Variants in CELSR2 observed in about 807,000 individuals in gnomAD.
The protein encoded by CELSR2 is cadherin EGF LAG seven-pass G-type receptor 2.
In CELSR2, 81 loss-of-function variants were observed where a neutral mutation model predicts 251.6. The ratio of observed to expected loss-of-function variants is 0.32; its 90% CI spans 0.27 to 0.39. The LOEUF (loss-of-function observed/expected upper bound fraction) is 0.39, where lower values mean the gene tolerates loss of function less well. CELSR2 is among the 10% of genes least tolerant of loss of function. CELSR2 has a pLI of 1.00. For synonymous variants in CELSR2, 1,721 were observed against 1,670.5 expected (o/e 1.03, Z -0.74); for missense variants, 3,365 against 3,947.7 (o/e 0.85, Z 3.96).
At chr1:109,260,947 G>A (rs180915258) in intron 2 of CELSR2, 95 bp from the exon 3 acceptor site, 112 of 904,242 alleles carry the variant, frequency 1.2e-4, no homozygotes, top group African/African-American at 4.8e-4. Flanking sequence ...CGAGGGTCAC[G>A]GGAGGCCATG....
chr1:109,261,037 T>A lies in CELSR2; in HGVS notation c.3959-5T>A, dbSNP rs1418306071. 6.2e-7 allele frequency: 1 copy of A among 1,603,374 alleles called. No individual in the cohort carries two copies. The highest frequency in any genetic ancestry group is 1.3e-5 in the African/African-American group (1 of 74,770). ...TGGTACTCACCTGCCTTTCCTCTTG[T>A]CCAGGTGAGCACTGTGAGGTGAGTG... On this transcript the variant is annotated splice_region_variant and splice_polypyrimidine_tract_variant and intron_variant, in intron 2 of 33. Coordinates refer to ENST00000271332, the MANE Select transcript of CELSR2 (RefSeq NM_001408.3). This position sits in a 1 kb window ranked among gnomAD's most constrained non-coding sequence, Gnocchi z 4.8.
Position 109,258,807 on chromosome 1 carries a change from A to G in CELSR2, c.3686A>G (p.Asp1229Gly). The G allele has an allele frequency of 2.5e-6, 4 of 1,611,532 alleles. No individual in the cohort carries two copies. Among genetic ancestry groups the G allele is most frequent in the Non-Finnish European group, 3.4e-6 (4 of 1,178,980 alleles). Reference protein sequence around the residue: ...ISAQRVLPFDDNICLREPCEN... With the variant: ...ISAQRVLPFDGNICLREPCEN... The stretch of plus-strand genomic sequence containing the variant: ...GCACAGCGCGTGCTGCCCTTCGACG[A>G]CAACATCTGCCTGCGGGAGCCCTGC... Residue 1229 changes from aspartate (D) to glycine (G), a missense_variant, in exon 2 of 34, where the codon GAC becomes GGC. Physicochemically the swap from Asp to Gly is moderately conservative, Grantham distance 94. Around this residue, in one of 5 missense-constraint regions of CELSR2, gnomAD observed 2,093 missense variants for 2,382.8 expected, o/e 0.88. Transcript: ENST00000271332.
chr1:109,272,791 G>A (rs1656408702), intron 30 of CELSR2, 42 bp from the exon 31 acceptor site: 3 of 1,612,514 alleles, frequency 1.9e-6, no homozygotes, highest in Admixed American at 1.7e-5. Context: ...GAAGGTGGGT[G>A]GAGGTGGCTG....
Position 109,251,979 on chromosome 1 carries a change from G to C in CELSR2, c.1900G>C (p.Ala634Pro). ...AVGTSVVTVS[A>P]VDRDAHSVIT... ...GGGCACCAGCGTGGTGACGGTGTCA[G>C]CTGTGGACCGTGATGCTCATAGTGT... Residue 634 changes from alanine (A) to proline (P), a missense_variant, in exon 1 of 34, where the codon GCT becomes CCT. Ala to Pro is a conservative substitution (Grantham distance 27). Coordinates refer to ENST00000271332, the MANE Select transcript of CELSR2 (RefSeq NM_001408.3). This position sits in a 1 kb window ranked among gnomAD's most constrained non-coding sequence, Gnocchi z 4.9. 6.2e-7 allele frequency: 1 copy of C among 1,614,120 alleles called. No individual in the cohort carries two copies.
intron 18 of CELSR2, 45 bp downstream of exon 18, chr1:109,268,809 C>A (rs749087656): frequency 1.5e-5 from 24 of 1,582,470 alleles, no homozygotes; most frequent in Non-Finnish European, 2.0e-5. Context: ...GGAGGGAGTC[C>A]CCGACAAGAG....
At chr1:109,254,809 G>T (rs185241669) in intron 1 of CELSR2, among the ~76,000 whole-genome samples, 25 of 152,312 alleles carry the variant, frequency 1.6e-4, no homozygotes, top group Admixed American at 1.6e-3. Context: ...CAGGGACTGT[G>T]GCTGAGGTTC....
intron 6 of CELSR2, 120 bp from the exon 7 acceptor site, chr1:109,262,686 T>C (rs1656051988): frequency 6.7e-7 from 1 of 1,503,256 alleles, no homozygotes; most frequent in Admixed American, 1.9e-5. Context: ...TGAGCACTGC[T>C]CTGCAGGGCC....
At chr1:109,273,882 G>A (rs932519170) in intron 33 of CELSR2, 140 bp from the exon 34 acceptor site, 38 of 1,281,368 alleles carry the variant, frequency 3.0e-5, no homozygotes, top group Non-Finnish European at 3.7e-5. Context: ...GCGCAGCCCA[G>A]CCTAGGGCAG....
intron 1 of CELSR2, among the ~76,000 whole-genome samples, 168 bp from the exon 2 acceptor site, chr1:109,258,264 C>T (rs898760200): frequency 3.3e-5 from 5 of 152,086 alleles, no homozygotes; most frequent in African/African-American, 1.2e-4. Context: ...AAGAGAACTG[C>T]AAATCTCATC....
chr1:109,253,298 C>A lies in CELSR2; in HGVS notation c.3219C>A (p.Val1073=), dbSNP rs746893169. Residue 1073 remains valine, a synonymous_variant, in exon 1 of 34, where the codon GTC becomes GTA. Coordinates refer to ENST00000271332, the MANE Select transcript of CELSR2 (RefSeq NM_001408.3). ...AGCGGGGAAATGAACTCAGCCTGGT[C>A]CTGCTCAATGCCTCCACGGGTGAGC... ...SFERGNELSL[V]LLNASTGELK... The A allele has an allele frequency of 1.2e-6, 2 of 1,613,456 alleles. No individual in the cohort carries two copies. Among genetic ancestry groups the A allele is most frequent in the South Asian group, 2.2e-5 (2 of 91,078 alleles).
intron 16 of CELSR2, 91 bp downstream of exon 16, chr1:109,267,733 G>T: frequency 6.4e-7 from 1 of 1,558,830 alleles, no homozygotes. Flanking sequence ...GGGGCTTCTG[G>T]AATTCCAGCC....
chr1:109,267,308 G>A (rs1656227149), intron 15 of CELSR2, among the ~76,000 whole-genome samples: 1 of 152,186 alleles, frequency 6.6e-6, no homozygotes, highest in African/African-American at 2.4e-5. Flanking sequence ...GAGACAGGCA[G>A]GATGGGGGCT....
At chr1:109,265,676 C>T (rs975562620) in intron 13 of CELSR2, 59 bp from the exon 14 acceptor site, 2 of 1,570,564 alleles carry the variant, frequency 1.3e-6, no homozygotes, top group Admixed American at 1.7e-5. Context: ...TGAGAAGGAC[C>T]CATGAGCATC....
Position 109,252,350 on chromosome 1 carries a change from G to A in CELSR2, c.2271G>A (p.Gln757=). ...ITYFMEDSIP[Q]FRIDADTGAV... ...ACTTCATGGAGGACAGCATCCCCCA[G>A]TTCCGCATCGATGCAGACACGGGGG... Residue 757 remains glutamine, a synonymous_variant, in exon 1 of 34, where the codon CAG becomes CAA. Coordinates refer to ENST00000271332, the MANE Select transcript of CELSR2 (RefSeq NM_001408.3). The surrounding 1 kb of genome is among the most constrained non-coding windows in gnomAD (Gnocchi z 4.8). 6.2e-7 allele frequency: 1 copy of A among 1,613,060 alleles called. No homozygotes were observed. The highest frequency in any genetic ancestry group is 1.1e-5 in the South Asian group (1 of 91,090).
At position 109,264,156 on chromosome 1, in the gene CELSR2, G is replaced by T; in HGVS notation, c.5080G>T (p.Ala1694Ser). ...CTCTCTCCGTCTGGAGCCAGGCCGGGCCAATGACGGTGACTGGCACCATGC... is the reference window on the plus strand; with the variant it reads ...CTCTCTCCGTCTGGAGCCAGGCCGGTCCAATGACGGTGACTGGCACCATGC... ...ASSLRLEPGR[A>S]NDGDWHHAQL... is the part of the protein sequence containing the mutation. The change falls in exon 10 of 34, where the codon GCC becomes TCC. Residue 1694 changes from alanine (A) to serine (S), a missense_variant. By Grantham distance (99) the Ala-to-Ser change is moderately conservative (BLOSUM62 1). Around this residue, in one of 5 missense-constraint regions of CELSR2, gnomAD observed 2,093 missense variants for 2,382.8 expected, o/e 0.88. Transcript: ENST00000271332. The T allele has an allele frequency of 6.2e-7, 1 of 1,610,352 alleles. No homozygotes were observed.
rs199799553 is a variant in CELSR2 at position 109,270,412 on chromosome 1, G to C, written c.7309-14G>C. 3 of 1,613,756 alleles carry C rather than the reference G, an allele frequency of 1.9e-6. No individual in the cohort carries two copies. Among genetic ancestry groups the C allele is most frequent in the Non-Finnish European group, 2.5e-6 (3 of 1,179,968 alleles). ...GGGCCCCGGTCGCTGACCTGCCCTG[G>C]CCTGGGCCCTCAGTTTGCCTGCACA... On this transcript the variant is annotated splice_polypyrimidine_tract_variant and intron_variant, in intron 23 of 33. Coordinates refer to ENST00000271332, the MANE Select transcript of CELSR2 (RefSeq NM_001408.3).
chr1:109,262,247 G>C, intron 5 of CELSR2, 40 bp from the exon 6 acceptor site: 1 of 1,606,178 alleles, frequency 6.2e-7, no homozygotes, highest in Middle Eastern at 1.7e-4. Context: ...AGTGGGCTCT[G>C]TACTCAGTGT....
rs1400617719 is a variant in CELSR2 at position 109,249,977 on chromosome 1, G to A, written c.-103G>A. The A allele has an allele frequency of 9.0e-7, 1 of 1,107,338 alleles. No individual in the cohort carries two copies. The highest frequency in any genetic ancestry group is 1.1e-6 in the Non-Finnish European group (1 of 888,844). The allele number at this position is 1,107,338 out of a possible 1,614,324, so 68.6% of individuals were successfully genotyped here. On this transcript the variant is annotated 5_prime_UTR_variant, in exon 1 of 34. Transcript: ENST00000271332. ...GCGGGGCGCACGGGAGGCCCCCGGGGACTGGCGCCCTGGCCCGGGCATGAG... is the reference window on the plus strand; with the variant it reads ...GCGGGGCGCACGGGAGGCCCCCGGGAACTGGCGCCCTGGCCCGGGCATGAG...
rs766134724 is a variant in CELSR2, at chr1:109,250,408, G to C, written c.329G>C (p.Cys110Ser). 1 of 1,613,598 alleles carries C rather than the reference G, an allele frequency of 6.2e-7. No homozygotes were observed. The highest frequency in any genetic ancestry group is 1.1e-5 in the South Asian group (1 of 91,088). The change falls in exon 1 of 34, where the codon TGC becomes TCC. Residue 110 changes from cysteine (C) to serine (S), a missense_variant. Cys to Ser is a moderately radical substitution (Grantham distance 112). Transcript: ENST00000271332. The surrounding 1 kb of genome is among the most constrained non-coding windows in gnomAD (Gnocchi z 4.4). ...HIPLPPAPEGCPWSCRLLGIG... is the reference protein window; with the variant it reads ...HIPLPPAPEGSPWSCRLLGIG... ...CCCCTACCACCAGCTCCTGAAGGCT[G>C]CCCCTGGAGCTGTCGCCTCCTGGGC...
Sources: allele counts gnomAD v4.1 joint callset (sites outside exome capture counted in the v4.1 genomes callset), GRCh38; gene constraint gnomAD v4.1.1; regional missense constraint gnomAD v4.1.1; non-coding constraint Gnocchi (gnomAD v3.1); transcripts MANE v1.5; gene names NCBI Gene and HGNC (gene_info 2026-07-23, HGNC 2026-07-21).